The following EIF3B variants were observed in gnomAD, a reference collection of about 807,000 sequenced individuals.
The protein encoded by EIF3B is eukaryotic translation initiation factor 3 subunit 9.
A neutral mutation model predicts 104.6 loss-of-function variants in EIF3B; 10 were observed. The ratio of observed to expected loss-of-function variants is 0.10; its 90% CI spans 0.06 to 0.16. The LOEUF (loss-of-function observed/expected upper bound fraction) is 0.16. Ranked by LOEUF, EIF3B falls within the 10% of genes least tolerant of loss-of-function variation. EIF3B has a pLI of 1.00. For synonymous variants in EIF3B, 542 were observed against 417.2 expected (o/e 1.30, Z -3.65); for missense variants, 1,014 against 1,087.9 (o/e 0.93, Z 0.96).
chr7:2,377,583 C>T (rs1780714819), intron 15 of EIF3B, among the ~76,000 whole-genome samples: 1 of 106,296 alleles, frequency 9.4e-6, no homozygotes, highest in South Asian at 3.0e-4. Context: ...CTGTGAATGA[C>T]CCTGGGTGTC....
intron 2 of EIF3B, among the ~76,000 whole-genome samples, chr7:2,361,418 T>G (rs1048171078): frequency 2.7e-4 from 41 of 151,758 alleles, no homozygotes; most frequent in African/African-American, 6.3e-4. Flanking sequence ...TCTGAGGTTC[T>G]TTCTTTCTTT....
chr7:2,368,092 C>A (rs1000952164), intron 9 of EIF3B, among the ~76,000 whole-genome samples: 6 of 151,856 alleles, frequency 4.0e-5, no homozygotes, highest in Non-Finnish European at 7.4e-5. Context: ...GATCTGCCCA[C>A]CTCAGCCTCC....
At chr7:2,362,909 C>A in intron 3 of EIF3B, 145 bp downstream of exon 3, 6 of 1,437,144 alleles carry the variant, frequency 4.2e-6, no homozygotes, top group South Asian at 1.2e-5. Flanking sequence ...CATTTCACAG[C>A]CCTGCCCCAC....
rs187509087 is a variant in EIF3B, at chr7:2,363,620, T to C, written c.871-12T>C. On this transcript the variant is annotated splice_polypyrimidine_tract_variant and intron_variant, in intron 4 of 18. Transcript: ENST00000360876. ...TTAATGAAATGTTATATTCCTTGTC[T>C]TTGTTTTTAAGGGGAACTTACGTTA... 0.011 allele frequency: 16,669 copies of C among 1,586,008 alleles called. 122 individuals are homozygous for C. The highest frequency in any genetic ancestry group is 0.012 in the Non-Finnish European group (13,833 of 1,173,090).
At chr7:2,369,402 A>G (rs753205309) in intron 9 of EIF3B, 70 bp from the exon 10 acceptor site, 215 of 1,517,362 alleles carry the variant, frequency 1.4e-4, no homozygotes, top group Non-Finnish European at 1.9e-4. Context: ...GAGTTGTTCT[A>G]TTCTCTTCTG....
Position 2,364,461 on chromosome 7 carries a change from G to C in EIF3B, c.1089G>C (p.Glu363Asp). The C allele has an allele frequency of 1.5e-5, 24 of 1,613,302 alleles. No homozygotes were observed. The highest frequency in any genetic ancestry group is 2.0e-5 in the Non-Finnish European group (24 of 1,179,740). ...GAGGCATTGCTCTATGGGGGGGAGA[G>C]AAATTCAAGCAAATTCAGAGATTCA... Reference protein sequence around the residue: ...HQRGIALWGGEKFKQIQRFSH... With the variant: ...HQRGIALWGGDKFKQIQRFSH... The change falls in exon 6 of 19, where the codon GAG becomes GAC. Residue 363 changes from glutamate (E) to aspartate (D), a missense_variant. Glu to Asp is a conservative substitution (Grantham distance 45, BLOSUM62 2). Around this residue, in one of 4 missense-constraint regions of EIF3B, gnomAD observed 201 missense variants for 240.7 expected, o/e 0.83. Coordinates refer to ENST00000360876, the MANE Select transcript of EIF3B (RefSeq NM_001037283.2).
chr7:2,374,554 A>G lies in EIF3B; in HGVS notation c.1837A>G (p.Thr613Ala), dbSNP rs760556072. 1.9e-6 allele frequency: 3 copies of G among 1,613,972 alleles called. No individual in the cohort carries two copies. The African/African-American group carries it at 4.0e-5, about 22-fold the overall frequency. Residue 613 changes from threonine to alanine, a missense_variant, in exon 13 of 19, where the codon ACC (threonine) becomes GCC (alanine). By Grantham distance (58) the Thr-to-Ala change is moderately conservative (BLOSUM62 0). Around this residue, in one of 4 missense-constraint regions of EIF3B, gnomAD observed 266 missense variants for 324.0 expected, o/e 0.82. Transcript: ENST00000360876. ...GATGTTCGACAAGCAGCAGGCGAAC[A>G]CCATCTTCTGGAGCCCCCAAGGACA... is the stretch of plus-strand genomic sequence containing the variant. ...IKMFDKQQANTIFWSPQGQFV... is the reference protein window; with the variant it reads ...IKMFDKQQANAIFWSPQGQFV...
chr7:2,362,794 G>A, intron 3 of EIF3B, 30 bp downstream of exon 3: 2 of 1,613,460 alleles, frequency 1.2e-6, no homozygotes, highest in Non-Finnish European at 8.5e-7. Context: ...CAAGGAAGTG[G>A]ACGTTGACGT....
chr7:2,363,245 G>A, intron 4 of EIF3B, 118 bp downstream of exon 4: 1 of 1,041,928 alleles, frequency 9.6e-7, no homozygotes, highest in South Asian at 1.3e-5. Flanking sequence ...TTAAGCCCAG[G>A]AATTCAAGAC....
chr7:2,367,351 A>C (rs1780079798), intron 9 of EIF3B, among the ~76,000 whole-genome samples: 1 of 151,690 alleles, frequency 6.6e-6, no homozygotes, highest in African/African-American at 2.4e-5. Context: ...CCACCCCCCA[A>C]AAGGCCCCAC....
In EIF3B at chr7:2,365,530, T is replaced by C. The variant is rs529492463; in HGVS notation, c.1158-787T>C. On this transcript the variant is annotated intron_variant, in intron 6 of 18. Coordinates refer to ENST00000360876, the MANE Select transcript of EIF3B (RefSeq NM_001037283.2). ...TGTTACACACTTTGTGTGAACTGAG[T>C]AAGCAGGTGCAGTAGCTCCAGACAA... Among the ~76,000 whole-genome samples, 7 of 152,284 alleles carry C rather than the reference T, an allele frequency of 4.6e-5. No individual in the cohort carries two copies. The South Asian group carries it at 1.4e-3, about 32-fold the overall frequency.
chr7:2,376,970 G>T lies in EIF3B; in HGVS notation c.2049G>T (p.Leu683=). The change falls in exon 15 of 19, where the codon CTG becomes CTT. Residue 683 remains leucine (L), a synonymous_variant. Coordinates refer to ENST00000360876, the MANE Select transcript of EIF3B (RefSeq NM_001037283.2). ...CCTAGGTGGACAACGCGTACTGGCT[G>T]TGGACTTTCCAGGGACGCCTCCTGC... ...WSHKVDNAYW[L]WTFQGRLLQK... 1 of 1,613,984 alleles carries T rather than the reference G, an allele frequency of 6.2e-7. No homozygotes were observed. Among genetic ancestry groups the T allele is most frequent in the East Asian group, 2.2e-5 (1 of 44,878 alleles).
At chr7:2,379,104 G>A in intron 16 of EIF3B, 30 bp from the exon 17 acceptor site, 5 of 1,601,534 alleles carry the variant, frequency 3.1e-6, no homozygotes, top group African/African-American at 1.3e-5. Flanking sequence ...TGTCTTACCA[G>A]TTCTGTGCTT....
intron 18 of EIF3B, 34 bp downstream of exon 18, chr7:2,379,545 G>A (rs1189404000): frequency 2.2e-6 from 3 of 1,355,494 alleles, no homozygotes; most frequent in Admixed American, 3.9e-5. Flanking sequence ...TGGGGGTCCT[G>A]TTGGCTGCTC....
chr7:2,367,102 C>CA (rs60382761), intron 9 of EIF3B, 57 bp downstream of exon 9: 19,368 of 828,182 alleles, frequency 0.023, 43 homozygotes, highest in African/African-American at 0.044. Context: ...AACACAATAC[C>CA]AAAAAAAAAA....
chr7:2,367,282 C>T (rs920799282), intron 9 of EIF3B, among the ~76,000 whole-genome samples: 5 of 151,952 alleles, frequency 3.3e-5, no homozygotes, highest in Admixed American at 6.6e-5. Flanking sequence ...GGAAGGCCTC[C>T]GTGGCCTGTT....
chr7:2,371,521 C>T (rs910098269), intron 10 of EIF3B, among the ~76,000 whole-genome samples: 4 of 152,124 alleles, frequency 2.6e-5, no homozygotes, highest in South Asian at 2.1e-4. Flanking sequence ...GCGGGCAGGG[C>T]GGCTCCTGGA....
intron 13 of EIF3B, chr7:2,375,121 G>C: frequency 2.0e-6 from 1 of 498,044 alleles, no homozygotes; most frequent in South Asian, 2.7e-5. Flanking sequence ...GTCCACACTT[G>C]CTACTGTATT....
intron 11 of EIF3B, 43 bp from the exon 12 acceptor site, chr7:2,372,630 C>T (rs1780416317): frequency 2.5e-6 from 4 of 1,603,534 alleles, no homozygotes; most frequent in Non-Finnish European, 3.4e-6. Context: ...GCACTATGTT[C>T]TGAATTGACC....
Sources: allele counts gnomAD v4.1 joint callset (sites outside exome capture counted in the v4.1 genomes callset), GRCh38; gene constraint gnomAD v4.1.1; regional missense constraint gnomAD v4.1.1; transcripts MANE v1.5; gene names NCBI Gene and HGNC (gene_info 2026-07-23, HGNC 2026-07-21).